PLEKHA7: variants seen among roughly 807,000 people sequenced by gnomAD.
PLEKHA7 encodes pleckstrin homology domain-containing family A member 7.
In PLEKHA7, 104 loss-of-function variants were observed where a neutral mutation model predicts 170.0. The ratio of observed to expected loss-of-function variants is 0.61; its 90% CI spans 0.52 to 0.72. The LOEUF is 0.72. Ranked by LOEUF, PLEKHA7 falls within the 30% of genes least tolerant of loss-of-function variation. The pLI is 0.00. For synonymous variants in PLEKHA7, 648 were observed against 660.8 expected (o/e 0.98, Z 0.30); for missense variants, 1,615 against 1,671.7 (o/e 0.97, Z 0.59).
At chr11:16,826,037 G>A (rs140725876) in intron 10 of PLEKHA7, 83 bp downstream of exon 10, 331 of 1,381,562 alleles carry the variant, frequency 2.4e-4, no homozygotes, top group Non-Finnish European at 3.0e-4. Flanking sequence ...CTGCCCTTAC[G>A]CAGCAAGTGC....
chr11:16,779,990 G>T (rs866442392), intron 26 of PLEKHA7, among the ~76,000 whole-genome samples: 1 of 133,148 alleles, frequency 7.5e-6, no homozygotes, highest in Non-Finnish European at 1.6e-5. Context: ...AGGGGGGGGG[G>T]AATATCTTCA....
intron 13 of PLEKHA7, chr11:16,812,275 C>T (rs1849420488): frequency 6.6e-6 from 1 of 152,236 alleles, no homozygotes; most frequent in African/African-American, 2.4e-5. Context: ...TGTTCATACA[C>T]CTGCTTCTAT....
chr11:16,857,149 T>C (rs1430230709), intron 4 of PLEKHA7, among the ~76,000 whole-genome samples: 3 of 152,236 alleles, frequency 2.0e-5, no homozygotes, highest in Admixed American at 2.0e-4. Context: ...AGTGATCCTT[T>C]CTGTGCCCGG....
intron 23 of PLEKHA7, 80 bp from the exon 24 acceptor site, chr11:16,786,467 T>A (rs1265211823): frequency 6.6e-7 from 1 of 1,521,936 alleles, no homozygotes; most frequent in East Asian, 2.5e-5. Context: ...TTCCATGGGG[T>A]CCTTTGGAAG....
chr11:16,914,030 GAAT>G (rs1858453743), intron 3 of PLEKHA7, among the ~76,000 whole-genome samples: 1 of 152,112 alleles, frequency 6.6e-6, no homozygotes. Flanking sequence ...GAATGATTAA[GAAT>G]ATTATGGCAT....
intron 3 of PLEKHA7, among the ~76,000 whole-genome samples, chr11:16,955,869 A>G (rs1420158601): frequency 6.6e-6 from 1 of 152,170 alleles, no homozygotes; most frequent in Non-Finnish European, 1.5e-5. Context: ...ATCTAGAAAG[A>G]GGGGGATTCT....
At chr11:16,996,140 C>T (rs1043568557) in intron 3 of PLEKHA7, among the ~76,000 whole-genome samples, 4 of 152,178 alleles carry the variant, frequency 2.6e-5, no homozygotes, top group Admixed American at 6.5e-5. Flanking sequence ...AAGTAGTTTA[C>T]GTGTATTATT....
At chr11:16,942,419 T>C (rs1860756485) in intron 3 of PLEKHA7, among the ~76,000 whole-genome samples, 1 of 152,302 alleles carries the variant, frequency 6.6e-6, no homozygotes, top group Non-Finnish European at 1.5e-5. Context: ...TTGGGGCCTT[T>C]AGCATCACCA....
chr11:16,832,544 A>T (rs1408501850), intron 9 of PLEKHA7, among the ~76,000 whole-genome samples: 1 of 152,174 alleles, frequency 6.6e-6, no homozygotes, highest in East Asian at 1.9e-4. Context: ...TCTGCCTCCA[A>T]ATCATTTATC....
chr11:16,823,130 G>T (rs956437412), intron 10 of PLEKHA7, among the ~76,000 whole-genome samples: 4 of 152,058 alleles, frequency 2.6e-5, no homozygotes, highest in Non-Finnish European at 5.9e-5. Context: ...AAGTAGCTGG[G>T]ACCACAGGTG....
chr11:16,845,771 G>T lies in PLEKHA7; in HGVS notation c.697-4049C>A, dbSNP rs776200377. On this transcript the variant is annotated intron_variant, in intron 8 of 26. Coordinates refer to ENST00000531066, the MANE Select transcript of PLEKHA7 (RefSeq NM_001329630.2). The stretch of plus-strand genomic sequence containing the variant: ...GGTTCGAGTCAGCAGAAACAGGTGA[G>T]GGGGGGATGGGTCAGGAGGCTACTA... Among the ~76,000 whole-genome samples the T allele has an allele frequency of 3.3e-5, 5 of 152,108 alleles. No homozygotes were observed. The East Asian group carries it at 5.8e-4, about 18-fold the overall frequency.
intron 10 of PLEKHA7, among the ~76,000 whole-genome samples, chr11:16,822,776 A>G (rs557446612): frequency 6.6e-6 from 1 of 152,218 alleles, no homozygotes; most frequent in East Asian, 1.9e-4. Context: ...ACATTAGATC[A>G]CTGGGGGAAG....
intron 3 of PLEKHA7, among the ~76,000 whole-genome samples, chr11:16,935,988 T>C (rs939130766): frequency 2.6e-5 from 4 of 152,210 alleles, no homozygotes; most frequent in Admixed American, 2.6e-4. Context: ...CCTTCTAATA[T>C]TTTGAAGACT....
At chr11:16,822,639 C>A (rs940900629) in intron 10 of PLEKHA7, among the ~76,000 whole-genome samples, 1 of 152,142 alleles carries the variant, frequency 6.6e-6, no homozygotes, top group Non-Finnish European at 1.5e-5. Context: ...TTTCCTCCCC[C>A]ATCTTCTCTT....
intron 8 of PLEKHA7, among the ~76,000 whole-genome samples, chr11:16,847,930 A>C (rs1317598705): frequency 6.6e-6 from 1 of 152,018 alleles, no homozygotes; most frequent in African/African-American, 2.4e-5. Context: ...AACCTGAACA[A>C]GGGTGCAACT....
In PLEKHA7 at chr11:16,783,739, C is replaced by G; in HGVS notation, c.3611G>C (p.Arg1204Pro). 6.7e-7 allele frequency: 1 copy of G among 1,499,312 alleles called. No homozygotes were observed. 92.9% of individuals were successfully genotyped at this position (1,499,312 alleles called of 1,614,324 possible). A position where few individuals can be genotyped will look rare whatever the true frequency, so the allele number is the denominator to read the frequency against. ...PSLEELQARYRKAEKIRNILA... is the reference protein window; with the variant it reads ...PSLEELQARYPKAEKIRNILA... ...GATGTTGCGGATCTTCTCGGCTTTG[C>G]GGTACCGCGCCTGCAGCTCCTCAAG... The change falls in exon 25 of 27, where the codon CGC (arginine) becomes CCC (proline). Residue 1204 changes from arginine to proline, a missense_variant. Coordinates refer to ENST00000531066, the MANE Select transcript of PLEKHA7 (RefSeq NM_001329630.2).
intron 13 of PLEKHA7, chr11:16,807,267 G>A (rs1849053252): frequency 1.1e-6 from 1 of 879,742 alleles, no homozygotes; most frequent in Non-Finnish European, 1.4e-6. Flanking sequence ...CGTAACAGGT[G>A]AGACATCAAA....
chr11:16,923,028 C>T (rs1859212170), intron 3 of PLEKHA7, among the ~76,000 whole-genome samples: 1 of 152,152 alleles, frequency 6.6e-6, no homozygotes, highest in Admixed American at 6.5e-5. Context: ...ACATCCTCAC[C>T]CCACCATTCC....
At chr11:16,906,011 C>G (rs894323226) in intron 3 of PLEKHA7, among the ~76,000 whole-genome samples, 4 of 152,104 alleles carry the variant, frequency 2.6e-5, no homozygotes, top group Non-Finnish European at 5.9e-5. Context: ...TTCAGGCTCT[C>G]GGCACTGCTG....
Sources: gnomAD v4.1 joint callset for allele counts (sites outside exome capture counted in the v4.1 genomes callset) on GRCh38, gnomAD v4.1.1 for gene constraint, MANE v1.5 for transcripts, NCBI Gene and HGNC (gene_info 2026-07-23, HGNC 2026-07-21) for gene names.